KLF8: variants seen among roughly 807,000 people sequenced by gnomAD.
KLF8 encodes the protein Krueppel-like factor 8.
KLF8 carries 10 observed loss-of-function variants against 18.2 expected under a neutral mutation model. The ratio of observed to expected loss-of-function variants is 0.55; its 90% CI spans 0.34 to 0.93. The LOEUF (loss-of-function observed/expected upper bound fraction) is 0.93, where lower values mean the gene tolerates loss of function less well. KLF8 is among the 40% of genes least tolerant of loss of function. The pLI is 0.02. For missense variants in KLF8, 264 were observed against 277.9 expected, an observed-to-expected ratio of 0.95 and a Z score of 0.36; for synonymous variants, 109 against 97.3, an observed-to-expected ratio of 1.12 and a Z score of -0.71.
the KLF8 span, among the ~76,000 whole-genome samples, chrX:56,043,271 G>T: frequency 1.8e-5 from 2 of 109,673 alleles, no homozygotes; most frequent in African/African-American, 6.7e-5. Flanking sequence ...TGACCTTGGA[G>T]AATTGGATGA....
intron 5 of KLF8, among the ~76,000 whole-genome samples, chrX:56,277,678 C>T (rs1429846047): frequency 8.9e-6 from 1 of 112,279 alleles, no homozygotes; most frequent in African/African-American, 3.2e-5. Context: ...TCACTCAAGG[C>T]CCTGGGTCTC....
chrX:56,049,600 C>G, the KLF8 span, among the ~76,000 whole-genome samples: 1 of 102,326 alleles, frequency 9.8e-6, no homozygotes, highest in African/African-American at 3.6e-5. Flanking sequence ...ACCAGCCTTG[C>G]ATCCCAGGGA....
intron 5 of KLF8, among the ~76,000 whole-genome samples, chrX:56,280,598 T>C (rs1292525646): frequency 8.9e-6 from 1 of 112,177 alleles, no homozygotes; most frequent in African/African-American, 3.2e-5. Context: ...AATAGCCTTT[T>C]TATTCATAAT....
chrX:56,231,718 A>G (rs1400923394), upstream of KLF8, among the ~76,000 whole-genome samples: 2 of 111,259 alleles, frequency 1.8e-5, no homozygotes, highest in African/African-American at 6.6e-5. Flanking sequence ...TATCCTGTGG[A>G]TTCAGCTTTA....
At chrX:56,007,658 C>T in the KLF8 span, among the ~76,000 whole-genome samples, 2 of 111,698 alleles carry the variant, frequency 1.8e-5, no homozygotes, top group East Asian at 2.8e-4. Flanking sequence ...TATCTACTTG[C>T]TGTTTTTGTA....
chrX:56,254,429 T>C (rs964782721), intron 2 of KLF8, among the ~76,000 whole-genome samples: 1 of 111,581 alleles, frequency 9.0e-6, no homozygotes, highest in Non-Finnish European at 1.9e-5. Flanking sequence ...CTGCGACCCT[T>C]GAAGCCCCAG....
At chrX:56,149,798 C>G in the KLF8 span, among the ~76,000 whole-genome samples, 1 of 110,642 alleles carries the variant, frequency 9.0e-6, no homozygotes, top group Non-Finnish European at 1.9e-5. Context: ...TAGTGGGGCT[C>G]AAATCTCACT....
At chrX:56,034,948 G>A in the KLF8 span, among the ~76,000 whole-genome samples, 1 of 107,346 alleles carries the variant, frequency 9.3e-6, no homozygotes, top group South Asian at 4.1e-4. Flanking sequence ...GTAGAGACGG[G>A]GTTTCACCGT....
the KLF8 span, among the ~76,000 whole-genome samples, chrX:55,985,744 A>G: frequency 9.0e-6 from 1 of 110,654 alleles, no homozygotes; most frequent in East Asian, 2.8e-4. Flanking sequence ...TCACAATATC[A>G]GTTCTTCCTA....
the KLF8 span, among the ~76,000 whole-genome samples, chrX:56,220,149 T>C: frequency 8.9e-6 from 1 of 112,519 alleles, no homozygotes; most frequent in Non-Finnish European, 1.9e-5. Context: ...GGATCACTTG[T>C]CGGTTTATAA....
At chrX:56,234,184 A>G (rs1414671357) in intron 1 of KLF8, among the ~76,000 whole-genome samples, 3 of 112,002 alleles carry the variant, frequency 2.7e-5, no homozygotes, top group Admixed American at 9.4e-5. Flanking sequence ...AAACGCATTT[A>G]TTAAGCACCT....
chrX:56,125,218 T>C, the KLF8 span, among the ~76,000 whole-genome samples: 7 of 111,952 alleles, frequency 6.3e-5, no homozygotes, highest in Non-Finnish European at 1.3e-4. Context: ...CCTCATAGCC[T>C]AGAGACATCA....
At chrX:56,155,120 A>C in the KLF8 span, among the ~76,000 whole-genome samples, 1 of 110,823 alleles carries the variant, frequency 9.0e-6, no homozygotes, top group Non-Finnish European at 1.9e-5. Flanking sequence ...TATCCAAAGG[A>C]CTATAAATCA....
intron 1 of KLF8, chrX:56,242,985 A>G: frequency 2.1e-6 from 1 of 484,249 alleles, no homozygotes; most frequent in Non-Finnish European, 3.8e-6. Context: ...TGTAATCAGG[A>G]GCCAGTCGAA....
chrX:55,912,608 A>T, the KLF8 span, among the ~76,000 whole-genome samples: 1 of 111,647 alleles, frequency 9.0e-6, no homozygotes, highest in African/African-American at 3.3e-5. Context: ...CAGGAAAGAA[A>T]GTACCTTATC....
chrX:56,209,538 A>G, the KLF8 span, among the ~76,000 whole-genome samples: 1 of 111,677 alleles, frequency 9.0e-6, no homozygotes, highest in East Asian at 2.8e-4. Context: ...CTGAGGCAGG[A>G]TAATTGCTTG....
chrX:56,056,647 G>T, the KLF8 span, among the ~76,000 whole-genome samples: 1 of 65,131 alleles, frequency 1.5e-5, no homozygotes, highest in Non-Finnish European at 2.7e-5. Context: ...TGGGGACTGT[G>T]GTGGGGTGGG....
At chrX:56,158,382 TG>T in the KLF8 span, among the ~76,000 whole-genome samples, 2 of 112,017 alleles carry the variant, frequency 1.8e-5, no homozygotes, top group Admixed American at 1.9e-4. Flanking sequence ...AGCTCTTTTT[TG>T]GTTCCATATG....
chrX:56,021,842 G>C, the KLF8 span, among the ~76,000 whole-genome samples: 3 of 110,117 alleles, frequency 2.7e-5, no homozygotes, highest in African/African-American at 9.9e-5. Flanking sequence ...ACTGTGCTTT[G>C]CTGAGGGAAC....
Sources: allele counts gnomAD v4.1 joint callset (sites outside exome capture counted in the v4.1 genomes callset), GRCh38; gene constraint gnomAD v4.1.1; transcripts MANE v1.5; gene names NCBI Gene and HGNC (gene_info 2026-07-23, HGNC 2026-07-21).